Variants in GINS1 observed in about 807,000 individuals in gnomAD.
GINS1 encodes DNA replication complex GINS protein PSF1.
GINS1 carries 26 observed loss-of-function variants against 34.9 expected under a neutral mutation model. The ratio of observed to expected loss-of-function variants is 0.74; its 90% CI spans 0.55 to 1.03. GINS1 has a LOEUF of 1.03. Ranked by LOEUF, GINS1 falls within the 50% of genes least tolerant of loss-of-function variation. The pLI, the probability that GINS1 is intolerant of heterozygous loss-of-function variation, is 0.00. For synonymous variants in GINS1, 97 were observed against 84.4 expected (o/e 1.15, Z -0.82); for missense variants, 235 against 237.9 (o/e 0.99, Z 0.08).
At chr20:25,424,479 C>A (rs2146205423) in intron 4 of GINS1, among the ~76,000 whole-genome samples, 1 of 152,274 alleles carries the variant, frequency 6.6e-6, no homozygotes, top group East Asian at 1.9e-4. Context: ...AGATATGATT[C>A]ATACACTGTG....
intron 5 of GINS1, among the ~76,000 whole-genome samples, chr20:25,432,163 C>T (rs540964663): frequency 2.7e-4 from 41 of 152,074 alleles, no homozygotes; most frequent in Non-Finnish European, 4.3e-4. Context: ...TGAGCCACCG[C>T]GCCTGGCCAT....
intron 5 of GINS1, among the ~76,000 whole-genome samples, chr20:25,429,584 AACT>A (rs200269460): frequency 0.013 from 1,965 of 152,190 alleles, 44 homozygotes; most frequent in African/African-American, 0.042. Context: ...CGCACTGATA[AACT>A]GAATTATTTT....
Position 25,412,117 on chromosome 20 carries a change from G to GA in GINS1, c.76-1666dup, listed in dbSNP as rs1568796450. On this transcript the variant is annotated intron_variant, in intron 1 of 6. Coordinates refer to ENST00000262460, the MANE Select transcript of GINS1 (RefSeq NM_021067.5). Reference sequence around the variant, plus strand: ...AGTGAGACTTCATCTCAACAACAACGAAAAAAATCAGAATTCTAATGTTTT... The same window carrying GA: ...AGTGAGACTTCATCTCAACAACAACGAAAAAAAATCAGAATTCTAATGTTTT... 4.0e-5 allele frequency among the ~76,000 whole-genome samples: 6 copies of GA among 151,614 alleles called. No homozygotes were observed. In the South Asian group the frequency reaches 1.3e-3, roughly 32 times the overall value.
At chr20:25,433,504 A>T (rs1376210335) in intron 5 of GINS1, among the ~76,000 whole-genome samples, 1 of 152,160 alleles carries the variant, frequency 6.6e-6, no homozygotes, top group African/African-American at 2.4e-5. Context: ...TGCCATAGAT[A>T]TAGTTGTTAT....
chr20:25,442,338 ATCTG>A (rs56170743), intron 6 of GINS1, among the ~76,000 whole-genome samples: 22,436 of 149,164 alleles, frequency 0.15, 1,727 homozygotes, highest in Non-Finnish European at 0.18. Flanking sequence ...CTATCTATCT[ATCTG>A]TCTGTCTGTC....
chr20:25,438,792 T>C (rs1289793490), intron 5 of GINS1, among the ~76,000 whole-genome samples: 1 of 152,164 alleles, frequency 6.6e-6, no homozygotes, highest in Non-Finnish European at 1.5e-5. Flanking sequence ...CAGGCTCGTC[T>C]TGAACTCCTA....
intron 5 of GINS1, among the ~76,000 whole-genome samples, chr20:25,431,465 T>C (rs2090426245): frequency 6.6e-6 from 1 of 152,118 alleles, no homozygotes; most frequent in Non-Finnish European, 1.5e-5. Context: ...CTTTTCTTTT[T>C]CTGGTTCCTT....
chr20:25,408,690 A>T (rs1239247728), intron 1 of GINS1, among the ~76,000 whole-genome samples: 2 of 152,146 alleles, frequency 1.3e-5, no homozygotes, highest in African/African-American at 4.8e-5. Flanking sequence ...CCCTGTCCCA[A>T]ACAAAACAAA....
At chr20:25,428,969 C>CTTTTTTTTTTTTTTTTTTTTT (rs77113924) in intron 5 of GINS1, among the ~76,000 whole-genome samples, 3 of 127,442 alleles carry the variant, frequency 2.4e-5, no homozygotes, top group Non-Finnish European at 4.9e-5. Flanking sequence ...ATTCCTCTCT[C>CTTTTTTTTTTTTTTTTTTTTT]TTTTTTTTTT....
At chr20:25,434,341 A>G (rs1009052644) in intron 5 of GINS1, among the ~76,000 whole-genome samples, 9 of 152,078 alleles carry the variant, frequency 5.9e-5, no homozygotes, top group Admixed American at 5.9e-4. Context: ...ATGTTACAAT[A>G]TTGCTAGGTT....
intron 3 of GINS1, 71 bp downstream of exon 3, chr20:25,417,273 G>A: frequency 1.3e-6 from 1 of 751,270 alleles, no homozygotes; most frequent in Non-Finnish European, 2.4e-6. Flanking sequence ...ATCTCAAATG[G>A]GTAACATGAA....
At position 25,448,256 on chromosome 20, in the gene GINS1, A is replaced by G. The variant is rs1275004260; in HGVS notation, c.*2265A>G. The G allele has an allele frequency of 6.6e-6, 1 of 152,220 alleles. No individual in the cohort carries two copies. The highest frequency in any genetic ancestry group is 1.5e-5 in the Non-Finnish European group (1 of 68,048). 9.4% of individuals were successfully genotyped at this position (152,220 alleles called of 1,614,324 possible). The stretch of plus-strand genomic sequence containing the variant: ...TTGGGAGAATTGACATCTTAATAAT[A>G]TTGAGTCTTCTGGCCTATAAACAAG... On this transcript the variant is annotated 3_prime_UTR_variant, in exon 7 of 7. Coordinates refer to ENST00000262460, the MANE Select transcript of GINS1 (RefSeq NM_021067.5).
intron 5 of GINS1, among the ~76,000 whole-genome samples, chr20:25,434,521 C>T (rs1161422701): frequency 2.6e-5 from 4 of 151,722 alleles, no homozygotes; most frequent in Non-Finnish European, 4.4e-5. Flanking sequence ...AATCATAGTT[C>T]ACTACAGCCT....
intron 2 of GINS1, among the ~76,000 whole-genome samples, chr20:25,414,247 G>C (rs951310953): frequency 1.3e-4 from 19 of 151,082 alleles, no homozygotes; most frequent in African/African-American, 4.6e-4. Context: ...ATTAGTTTTG[G>C]GATGCGATTT....
intron 5 of GINS1, among the ~76,000 whole-genome samples, chr20:25,437,794 G>A (rs1306870547): frequency 6.6e-6 from 1 of 152,048 alleles, no homozygotes; most frequent in Non-Finnish European, 1.5e-5. Flanking sequence ...TAGAGCAAAA[G>A]GGTAATTGAC....
At chr20:25,417,884 A>T (rs996757751) in intron 3 of GINS1, among the ~76,000 whole-genome samples, 7 of 152,164 alleles carry the variant, frequency 4.6e-5, no homozygotes, top group Non-Finnish European at 1.0e-4. Flanking sequence ...AAAGAAAGAA[A>T]TAAGGACCTT....
In GINS1 at chr20:25,417,189, A is replaced by C; in HGVS notation, c.226A>C (p.Thr76Pro). ...TTCTCTGTTAAGAAATCGACGCTGC[A>C]CTGTAGCATACCTGTAAGCTTCTCA... Reference protein sequence around the residue: ...HCSLLRNRRCTVAYLYDRLLR... With the variant: ...HCSLLRNRRCPVAYLYDRLLR... The change falls in exon 3 of 7, where the codon ACT (threonine) becomes CCT (proline). Residue 76 changes from threonine (T) to proline (P), a missense_variant. Coordinates refer to ENST00000262460, the MANE Select transcript of GINS1 (RefSeq NM_021067.5). 1 of 1,540,794 alleles carries C rather than the reference A, an allele frequency of 6.5e-7. No homozygotes were observed. The highest frequency in any genetic ancestry group is 9.0e-7 in the Non-Finnish European group (1 of 1,114,764).
At chr20:25,441,137 G>A (rs1568810623) in intron 5 of GINS1, among the ~76,000 whole-genome samples, 3 of 152,162 alleles carry the variant, frequency 2.0e-5, no homozygotes, top group South Asian at 4.1e-4. Context: ...CTGTACCTGG[G>A]AACACCTTTG....
In GINS1 at chr20:25,407,684, A is replaced by G. The variant is rs1277104154; in HGVS notation, c.-137A>G. On this transcript the variant is annotated 5_prime_UTR_variant, in exon 1 of 7. Transcript: ENST00000262460. Reference sequence around the variant, plus strand: ...TATTGGCTAGCTTTGTTCGGCGCCAAAGCGCGGAGCGGAGGCCGAGGCGAG... The same window carrying G: ...TATTGGCTAGCTTTGTTCGGCGCCAGAGCGCGGAGCGGAGGCCGAGGCGAG... 8 of 712,430 alleles carry G rather than the reference A, an allele frequency of 1.1e-5. No individual in the cohort carries two copies. The Admixed American group carries it at 1.7e-4, about 16-fold the overall frequency. The allele number at this position is 712,430 out of a possible 1,614,324, so 44.1% of individuals were successfully genotyped here.
Sources: gnomAD v4.1 joint callset for allele counts (sites outside exome capture counted in the v4.1 genomes callset) on GRCh38, gnomAD v4.1.1 for gene constraint, MANE v1.5 for transcripts, NCBI Gene and HGNC (gene_info 2026-07-23, HGNC 2026-07-21) for gene names.